CHCHD3: variants seen among roughly 807,000 people sequenced by gnomAD.
CHCHD3 encodes the protein coiled-coil-helix-coiled-coil-helix domain containing 3.
In CHCHD3, 20 loss-of-function variants were observed where a neutral mutation model predicts 38.2. The observed-to-expected ratio is 0.52, with a 90% CI of 0.37 to 0.76. The LOEUF (loss-of-function observed/expected upper bound fraction) is 0.76, where lower values mean the gene tolerates loss of function less well. CHCHD3 is among the 30% of genes least tolerant of loss of function. CHCHD3 has a pLI of 0.00. For missense variants in CHCHD3, 245 were observed against 279.2 expected, an observed-to-expected ratio of 0.88 and a Z score of 0.87; for synonymous variants, 82 against 100.0, an observed-to-expected ratio of 0.82 and a Z score of 1.07.
chr7:132,894,276 C>A lies in CHCHD3; in HGVS notation c.370-8531G>T, dbSNP rs117563577. Reference sequence around the variant, plus strand: ...ACTATACATTTACTCCTCCAGTTTTCTAGTTTTATTTCATAATTTGGATGT... The same window carrying A: ...ACTATACATTTACTCCTCCAGTTTTATAGTTTTATTTCATAATTTGGATGT... On this transcript the variant is annotated intron_variant, in intron 4 of 7. Coordinates refer to ENST00000262570, the MANE Select transcript of CHCHD3 (RefSeq NM_017812.4). Among the ~76,000 whole-genome samples the A allele has an allele frequency of 2.0e-3, 311 of 152,268 alleles. 1 individual carries two copies. The highest frequency in any genetic ancestry group is 3.7e-3 in the Non-Finnish European group (253 of 68,006).
In CHCHD3 at chr7:132,785,672, A is replaced by C. The variant is rs763869179; in HGVS notation, c.661-12T>G. ...TTCTCAAGCATGCTCTGCAAGAAAA[A>C]CAGAAAGAGTAAGTTTTACCACCGG... On this transcript the variant is annotated splice_polypyrimidine_tract_variant and intron_variant, in intron 7 of 7. Transcript: ENST00000262570. The C allele has an allele frequency of 5.3e-5, 85 of 1,613,876 alleles. No individual in the cohort carries two copies. Among genetic ancestry groups the C allele is most frequent in the Non-Finnish European group, 7.0e-5 (83 of 1,179,918 alleles).
chr7:132,848,267 C>G (rs1234777724), intron 5 of CHCHD3, among the ~76,000 whole-genome samples: 1 of 152,126 alleles, frequency 6.6e-6, no homozygotes, highest in African/African-American at 2.4e-5. Flanking sequence ...ACGGCAGTTC[C>G]CATTGTTGAG....
chr7:133,034,344 T>C (rs1213090103), intron 2 of CHCHD3, among the ~76,000 whole-genome samples: 2 of 152,140 alleles, frequency 1.3e-5, no homozygotes, highest in African/African-American at 4.8e-5. Flanking sequence ...AATTTCTCTA[T>C]AAACAGCAAA....
At chr7:132,956,726 G>A (rs950700403) in intron 4 of CHCHD3, among the ~76,000 whole-genome samples, 6 of 152,150 alleles carry the variant, frequency 3.9e-5, no homozygotes, top group Admixed American at 6.5e-5. Context: ...GAAGATAACT[G>A]ATAGTCTAGG....
At chr7:133,067,175 G>A (rs2117532652) in intron 2 of CHCHD3, among the ~76,000 whole-genome samples, 1 of 152,282 alleles carries the variant, frequency 6.6e-6, no homozygotes, top group East Asian at 1.9e-4. Context: ...ATTTAGCAGA[G>A]TACCTACAAT....
chr7:132,965,139 C>T (rs369009633), intron 4 of CHCHD3, among the ~76,000 whole-genome samples: 3 of 151,786 alleles, frequency 2.0e-5, no homozygotes, highest in African/African-American at 7.2e-5. Context: ...GCCCTTTCTA[C>T]TCTTAGCTGC....
intron 3 of CHCHD3, among the ~76,000 whole-genome samples, chr7:133,015,714 C>T (rs989681390): frequency 3.3e-5 from 5 of 152,200 alleles, no homozygotes; most frequent in Admixed American, 6.5e-5. Context: ...CCGAGCCCCA[C>T]CACTTACTTG....
Position 132,917,783 on chromosome 7 carries a change from C to T in CHCHD3, c.370-32038G>A, listed in dbSNP as rs1206339059. ...CTGAGGCAGGAGAATGACGTGAACT[C>T]GGGAGGCGGAGCTTGCAGTGAGCAA... On this transcript the variant is annotated intron_variant, in intron 4 of 7. Transcript: ENST00000262570. Among the ~76,000 whole-genome samples, 9 of 131,814 alleles carry T rather than the reference C, an allele frequency of 6.8e-5. 1 individual carries two copies. The South Asian group carries it at 1.3e-3, about 19-fold the overall frequency. The allele number at this position is 131,814 out of a possible 152,430, so 86.5% of individuals were successfully genotyped here.
At chr7:133,051,995 C>T (rs1373799727) in intron 2 of CHCHD3, 1 of 152,204 alleles carries the variant, frequency 6.6e-6, no homozygotes, top group Non-Finnish European at 1.5e-5. Flanking sequence ...CAAGGTAAAA[C>T]AGCCAGTTGG....
chr7:133,072,993 TC>T (rs1003354967), intron 1 of CHCHD3, among the ~76,000 whole-genome samples: 2 of 152,022 alleles, frequency 1.3e-5, no homozygotes, highest in African/African-American at 4.8e-5. Context: ...CATTTCCACT[TC>T]CTGAACTCAC....
chr7:132,944,732 T>C (rs553185363), intron 4 of CHCHD3, among the ~76,000 whole-genome samples: 112 of 152,090 alleles, frequency 7.4e-4, no homozygotes, highest in African/African-American at 2.6e-3. Context: ...AAACAGCAAG[T>C]ATTAACACTA....
Position 132,815,391 on chromosome 7 carries a change from T to C in CHCHD3, c.525-18814A>G, listed in dbSNP as rs548404169. The C allele has an allele frequency of 1.5e-5, 5 of 333,436 alleles. No homozygotes were observed. The East Asian group carries it at 4.1e-4, about 27-fold the overall frequency. 20.7% of individuals were successfully genotyped at this position (333,436 alleles called of 1,614,324 possible). ...AATGCTAAGCAAAATGGAATGTTAA[T>C]ATATTCTCTTATTAATTACAAAGGA... is the stretch of plus-strand genomic sequence containing the variant. On this transcript the variant is annotated intron_variant, in intron 6 of 7. Coordinates refer to ENST00000262570, the MANE Select transcript of CHCHD3 (RefSeq NM_017812.4).
intron 6 of CHCHD3, among the ~76,000 whole-genome samples, chr7:132,803,245 C>T (rs1288473152): frequency 6.6e-6 from 1 of 151,998 alleles, no homozygotes; most frequent in Non-Finnish European, 1.5e-5. Context: ...CTGTTAAATC[C>T]GAATCTCCAA....
At chr7:133,047,043 T>C (rs1407759779) in intron 2 of CHCHD3, among the ~76,000 whole-genome samples, 3 of 152,190 alleles carry the variant, frequency 2.0e-5, no homozygotes, top group East Asian at 1.9e-4. Context: ...TAATCTCTCA[T>C]AGCCTCGGTT....
intron 1 of CHCHD3, among the ~76,000 whole-genome samples, chr7:133,073,696 C>G (rs1363974086): frequency 1.3e-5 from 2 of 152,128 alleles, no homozygotes; most frequent in African/African-American, 4.8e-5. Context: ...CCCATTTCTC[C>G]TGCCCTAATT....
chr7:132,918,907 G>C (rs1810186204), intron 4 of CHCHD3, among the ~76,000 whole-genome samples: 1 of 152,050 alleles, frequency 6.6e-6, no homozygotes, highest in African/African-American at 2.4e-5. Context: ...GATAAGAAAC[G>C]CACAGGAGTG....
chr7:133,017,208 C>G (rs1264712892), intron 3 of CHCHD3, among the ~76,000 whole-genome samples: 3 of 152,138 alleles, frequency 2.0e-5, no homozygotes, highest in Non-Finnish European at 4.4e-5. Context: ...TGTTGCACTC[C>G]CTTTGAAAAA....
intron 1 of CHCHD3, among the ~76,000 whole-genome samples, chr7:133,081,302 G>C (rs1037486098): frequency 6.6e-6 from 1 of 151,970 alleles, no homozygotes; most frequent in Non-Finnish European, 1.5e-5. Context: ...GTGAAGCAGG[G>C]AGAAGCCAGA....
At chr7:132,881,026 A>C (rs1403295247) in intron 5 of CHCHD3, among the ~76,000 whole-genome samples, 3 of 152,164 alleles carry the variant, frequency 2.0e-5, no homozygotes, top group African/African-American at 7.2e-5. Context: ...TGATATCTCT[A>C]ATGTTCACAG....
Sources: gnomAD v4.1 joint callset for allele counts (sites outside exome capture counted in the v4.1 genomes callset) on GRCh38, gnomAD v4.1.1 for gene constraint, MANE v1.5 for transcripts, NCBI Gene and HGNC (gene_info 2026-07-23, HGNC 2026-07-21) for gene names.